PHRF1: variants seen among roughly 807,000 people sequenced by gnomAD.
The protein encoded by PHRF1 is PHD and ring finger domains 1.
Under a neutral mutation model 128.9 loss-of-function variants are expected in PHRF1, and 53 were observed. The ratio of observed to expected loss-of-function variants is 0.41; its 90% CI spans 0.33 to 0.52. The LOEUF is 0.52. Ranked by LOEUF, PHRF1 falls within the 20% of genes least tolerant of loss-of-function variation. The probability of loss-of-function intolerance (pLI) is 0.21; values close to 1 mark genes in which losing one functional copy is unlikely to be tolerated. For missense variants in PHRF1, 2,503 were observed against 2,284.5 expected, an observed-to-expected ratio of 1.10 and a Z score of -1.95; for synonymous variants, 1,178 against 980.6, an observed-to-expected ratio of 1.20 and a Z score of -3.76.
chr11:592,711 G>A, intron 6 of PHRF1, 37 bp downstream of exon 6: 1 of 1,600,556 alleles, frequency 6.2e-7, no homozygotes, highest in African/African-American at 1.3e-5. Flanking sequence ...GTGCCCTGCT[G>A]CGTGCAAGGC....
rs370033378 is a variant in PHRF1 at position 609,384 on chromosome 11, C to T, written c.3928C>T (p.Pro1310Ser). The change falls in exon 14 of 18, where the codon CCC (proline) becomes TCC (serine). Residue 1310 changes from proline to serine, a missense_variant. By Grantham distance (74) the Pro-to-Ser change is moderately conservative (BLOSUM62 -1). Coordinates refer to ENST00000264555, the MANE Select transcript of PHRF1 (RefSeq NM_001286581.2). Reference protein sequence around the residue: ...ERDFPLKPALPPASLAVAAIQ... With the variant: ...ERDFPLKPALSPASLAVAAIQ... ...AGACTTCCCACTGAAGCCTGCGTTG[C>T]CCCCAGCCAGCCTGGCCGTGGCCGC... The T allele has an allele frequency of 3.7e-6, 6 of 1,611,306 alleles. No individual in the cohort carries two copies. Among genetic ancestry groups the T allele is most frequent in the African/African-American group, 1.3e-5 (1 of 74,940 alleles).
chr11:607,343 C>T lies in PHRF1; in HGVS notation c.1887C>T (p.Ser629=), dbSNP rs374956913. The T allele has an allele frequency of 2.5e-6, 4 of 1,612,624 alleles. No homozygotes were observed. In the African/African-American group the frequency reaches 5.3e-5, roughly 22 times the overall value. ...TGCCTGGCTTCAGACAGAGCCACAGCCCCTGGTTCAACGGCACCAACAAGC... is the reference window on the plus strand; with the variant it reads ...TGCCTGGCTTCAGACAGAGCCACAGTCCCTGGTTCAACGGCACCAACAAGC... ...GSVPGFRQSH[S]PWFNGTNKHT... The change falls in exon 14 of 18, where the codon AGC becomes AGT. Residue 629 remains serine, a synonymous_variant. Coordinates refer to ENST00000264555, the MANE Select transcript of PHRF1 (RefSeq NM_001286581.2).
intron 6 of PHRF1, among the ~76,000 whole-genome samples, chr11:593,756 C>A (rs1334546834): frequency 6.6e-6 from 1 of 152,226 alleles, no homozygotes; most frequent in Non-Finnish European, 1.5e-5. Context: ...CCGGCCCTTC[C>A]AGGTCCCCAG....
chr11:600,229 C>T (rs1293539706), intron 9 of PHRF1, among the ~76,000 whole-genome samples: 4 of 151,232 alleles, frequency 2.6e-5, no homozygotes, highest in South Asian at 4.2e-4. Flanking sequence ...TGTCTCTCCC[C>T]GATAGGAACA....
rs1357770409 is a variant in PHRF1, at chr11:597,401, G to A, written c.725G>A (p.Gly242Asp). Residue 242 changes from glycine (G) to aspartate (D), a missense_variant, in exon 8 of 18, where the codon GGT (glycine) becomes GAT (aspartate). Coordinates refer to ENST00000264555, the MANE Select transcript of PHRF1 (RefSeq NM_001286581.2). This position sits in a 1 kb window ranked among gnomAD's most constrained non-coding sequence, Gnocchi z 6.5. ...CCCTGGTGGTTCTTCCCAGATGCGG[G>A]TCCCGTGAGTGAGGAGGAGGTCTCC... ...APGVVLAADA[G>D]PVSEEEVSLL... 2 of 1,612,016 alleles carry A rather than the reference G, an allele frequency of 1.2e-6. No homozygotes were observed. Among genetic ancestry groups the A allele is most frequent in the African/African-American group, 1.3e-5 (1 of 74,874 alleles).
At chr11:577,360 A>G (rs1187329608) in intron 1 of PHRF1, among the ~76,000 whole-genome samples, 1 of 152,202 alleles carries the variant, frequency 6.6e-6, no homozygotes, top group African/African-American at 2.4e-5. Flanking sequence ...TGTTTCGACA[A>G]CAGCAGAACA....
At chr11:593,225 T>G (rs138419215) in intron 6 of PHRF1, among the ~76,000 whole-genome samples, 1 of 152,262 alleles carries the variant, frequency 6.6e-6, no homozygotes, top group African/African-American at 2.4e-5. Flanking sequence ...AGATGCCCCC[T>G]TCCCCGTTAG....
Position 607,227 on chromosome 11 carries a change from ACCC to A in PHRF1, c.1774_1776del (p.Pro592del). The A allele has an allele frequency of 6.2e-7, 1 of 1,611,822 alleles. No individual in the cohort carries two copies. The highest frequency in any genetic ancestry group is 1.1e-5 in the South Asian group (1 of 91,040). The stretch of plus-strand genomic sequence containing the variant: ...GCTCAGCTGTCAAGGCAGGTCCCGC[ACCC>A]CCGCCCGCACCGCGGGGGCGCCTGT... On this transcript the variant is annotated inframe_deletion, in exon 14 of 18. Coordinates refer to ENST00000264555, the MANE Select transcript of PHRF1 (RefSeq NM_001286581.2).
chr11:585,106 G>C (rs556779356), intron 3 of PHRF1, among the ~76,000 whole-genome samples: 2 of 152,308 alleles, frequency 1.3e-5, no homozygotes, highest in South Asian at 4.1e-4. Flanking sequence ...GTTGAGGAGG[G>C]AGTTATTCCA....
Position 581,983 on chromosome 11 carries a change from G to T in PHRF1, c.116G>T (p.Ser39Ile). ...CTAGAAGAAAGCAGCGTGGGCAGCA[G>T]TGGGGACTCTGGGGACGACAGTGAC... ...GDFEESSVGS[S>I]GDSGDDSDSE... Residue 39 changes from serine (S) to isoleucine (I), a missense_variant, in exon 3 of 18, where the codon AGT becomes ATT. Ser to Ile is a moderately radical substitution (Grantham distance 142). Coordinates refer to ENST00000264555, the MANE Select transcript of PHRF1 (RefSeq NM_001286581.2). 1 of 1,605,678 alleles carries T rather than the reference G, an allele frequency of 6.2e-7. No individual in the cohort carries two copies. Among genetic ancestry groups the T allele is most frequent in the Non-Finnish European group, 8.5e-7 (1 of 1,176,244 alleles).
rs764702856 is a variant in PHRF1 at position 609,368 on chromosome 11, A to T, written c.3912A>T (p.Pro1304=). The change falls in exon 14 of 18, where the codon CCA becomes CCT. Residue 1304 remains proline (P), a synonymous_variant. Transcript: ENST00000264555. ...STDSSPERDF[P]LKPALPPASL... ...ACTCTTCCCCGGAGCGAGACTTCCC[A>T]CTGAAGCCTGCGTTGCCCCCAGCCA... is the stretch of plus-strand genomic sequence containing the variant. 1 of 1,611,988 alleles carries T rather than the reference A, an allele frequency of 6.2e-7. No homozygotes were observed.
In PHRF1 at chr11:597,625, TCG is replaced by T; in HGVS notation, c.894+56_894+57del. 1.5e-6 allele frequency: 2 copies of T among 1,341,880 alleles called. No homozygotes were observed. Among genetic ancestry groups the T allele is most frequent in the Admixed American group, 2.0e-5 (1 of 49,532 alleles). 83.1% of individuals were successfully genotyped at this position (1,341,880 alleles called of 1,614,324 possible). On this transcript the variant is annotated intron_variant, in intron 8 of 17. Coordinates refer to ENST00000264555, the MANE Select transcript of PHRF1 (RefSeq NM_001286581.2). This position sits in a 1 kb window ranked among gnomAD's most constrained non-coding sequence, Gnocchi z 6.5. ...AGAACCCCAGCTGCCCAGAGTGATCTCGGCAGTCTGGGTGGGTGGGAGGGGCG... is the reference window on the plus strand; with the variant it reads ...AGAACCCCAGCTGCCCAGAGTGATCTGCAGTCTGGGTGGGTGGGAGGGGCG...
chr11:581,864 A>G, intron 2 of PHRF1, 98 bp from the exon 3 acceptor site: 1 of 1,447,032 alleles, frequency 6.9e-7, no homozygotes, highest in Non-Finnish European at 9.1e-7. Context: ...GCCGTTTGGC[A>G]GGTGCTCCTG....
Position 608,156 on chromosome 11 carries a change from C to G in PHRF1, c.2700C>G (p.Ser900=), listed in dbSNP as rs764285348. 1 of 1,611,074 alleles carries G rather than the reference C, an allele frequency of 6.2e-7. No individual in the cohort carries two copies. The highest frequency in any genetic ancestry group is 1.1e-5 in the South Asian group (1 of 91,072). The change falls in exon 14 of 18, where the codon TCC becomes TCG. Residue 900 remains serine, a synonymous_variant. Coordinates refer to ENST00000264555, the MANE Select transcript of PHRF1 (RefSeq NM_001286581.2). ...CCGAACCCCCTCTCGGACCGTCCTC[C>G]GCCATGTCCAAGCTCCGGGGTGCAG... ...TEPEPPLGPS[S]AMSKLRGAVA...
In PHRF1 at chr11:587,306, G is replaced by C. The variant is rs1282314548; in HGVS notation, c.262G>C (p.Gly88Arg). 4 of 1,613,700 alleles carry C rather than the reference G, an allele frequency of 2.5e-6. No homozygotes were observed. The highest frequency in any genetic ancestry group is 2.2e-5 in the South Asian group (2 of 91,074). ...CGGGGAGACATTGCTGGAGGTAGCG[G>C]GTACTCAGGGGAAACTGGAAGCCGC... Reference protein sequence around the residue: ...DDGETLLEVAGTQGKLEAAGS... With the variant: ...DDGETLLEVARTQGKLEAAGS... The change falls in exon 4 of 18, where the codon GGT becomes CGT. Residue 88 changes from glycine to arginine, a missense_variant. Gly to Arg is a moderately radical substitution (Grantham distance 125). Coordinates refer to ENST00000264555, the MANE Select transcript of PHRF1 (RefSeq NM_001286581.2).
chr11:587,569 C>G, intron 4 of PHRF1, 105 bp downstream of exon 4: 3 of 1,164,692 alleles, frequency 2.6e-6, no homozygotes, highest in Non-Finnish European at 3.7e-6. Context: ...GTTGTCTGCT[C>G]TGCGGCTGAC....
At chr11:591,357 T>C in intron 4 of PHRF1, 27 bp from the exon 5 acceptor site, 1 of 1,575,560 alleles carries the variant, frequency 6.3e-7, no homozygotes, top group South Asian at 1.1e-5. Context: ...ATTGACAAGA[T>C]TCTGATCCTG....
chr11:582,109 C>T (rs1468997392), intron 3 of PHRF1, 28 bp downstream of exon 3: 1 of 1,562,882 alleles, frequency 6.4e-7, no homozygotes, highest in Admixed American at 1.9e-5. Context: ...CACGCCGGCT[C>T]CTGTGTTTCC....
intron 10 of PHRF1, among the ~76,000 whole-genome samples, chr11:603,298 T>G (rs988890637): frequency 6.6e-6 from 1 of 152,158 alleles, no homozygotes. Context: ...TTAAGCAGTT[T>G]GTCATCTAAG....
Sources: gnomAD v4.1 joint callset for allele counts (sites outside exome capture counted in the v4.1 genomes callset) on GRCh38, gnomAD v4.1.1 for gene constraint, Gnocchi (gnomAD v3.1) non-coding constraint, MANE v1.5 for transcripts, NCBI Gene and HGNC (gene_info 2026-07-23, HGNC 2026-07-21) for gene names.